Variants in ALDH1A1 observed in about 807,000 individuals in gnomAD.
ALDH1A1 encodes the protein aldehyde dehydrogenase 1 family member A1.
A neutral mutation model predicts 62.1 loss-of-function variants in ALDH1A1; 19 were observed. The ratio of observed to expected loss-of-function variants is 0.31; its 90% confidence interval spans 0.21 to 0.45. The LOEUF (loss-of-function observed/expected upper bound fraction) is 0.45. ALDH1A1 is among the 20% of genes least tolerant of loss of function. The pLI is 1.00. For synonymous variants in ALDH1A1, 231 were observed against 215.9 expected, an observed-to-expected ratio of 1.07 and a Z score of -0.61; for missense variants, 521 against 607.1, an observed-to-expected ratio of 0.86 and a Z score of 1.49.
intron 2 of ALDH1A1, among the ~76,000 whole-genome samples, chr9:72,933,567 A>T (rs1336990919): frequency 5.3e-5 from 7 of 131,950 alleles, no homozygotes; most frequent in African/African-American, 2.0e-4. Context: ...AGCCTGGGTG[A>T]TAGAGTAAGA....
chr9:72,919,112 A>C (rs1446443849), intron 7 of ALDH1A1, among the ~76,000 whole-genome samples: 1 of 152,198 alleles, frequency 6.6e-6, no homozygotes, highest in East Asian at 1.9e-4. Context: ...TCATCCAAGC[A>C]TACAGACATA....
intron 7 of ALDH1A1, among the ~76,000 whole-genome samples, chr9:72,920,007 C>T (rs1182969264): frequency 6.6e-6 from 1 of 152,102 alleles, no homozygotes; most frequent in Non-Finnish European, 1.5e-5. Context: ...CTTAATCCAC[C>T]AACATGTTCT....
chr9:72,928,467 C>A (rs1830238903), intron 4 of ALDH1A1, among the ~76,000 whole-genome samples: 1 of 152,090 alleles, frequency 6.6e-6, no homozygotes, highest in Admixed American at 6.6e-5. Flanking sequence ...CACAGATGAC[C>A]ATAACTGACT....
chr9:72,928,786 C>G (rs563716431), intron 4 of ALDH1A1, 106 bp downstream of exon 4: 2 of 1,256,208 alleles, frequency 1.6e-6, no homozygotes, highest in South Asian at 5.1e-5. Context: ...AATAATTTTG[C>G]CTTATTTGGT....
At chr9:72,911,920 T>G (rs755899140) in intron 10 of ALDH1A1, 38 bp downstream of exon 10, 3 of 1,610,902 alleles carry the variant, frequency 1.9e-6, no homozygotes, top group Non-Finnish European at 1.7e-6. Context: ...AGACAAAACA[T>G]GGCAACAAAA....
chr9:72,949,975 T>C (rs975813503), intron 1 of ALDH1A1, among the ~76,000 whole-genome samples: 1 of 151,830 alleles, frequency 6.6e-6, no homozygotes, highest in Non-Finnish European at 1.5e-5. Context: ...TTCACTCTGA[T>C]GCAATCTTTG....
chr9:72,900,929 G>GA lies in ALDH1A1; in HGVS notation c.*278dup, dbSNP rs1162478009. ...TTATCCTGCAAAAGTAGCTACAAAG[G>GA]AAAATCACATAACTATGACAAAGCT... On this transcript the variant is annotated 3_prime_UTR_variant, in exon 13 of 13. Transcript: ENST00000297785. 1 of 249,244 alleles carries GA rather than the reference G, an allele frequency of 4.0e-6. No homozygotes were observed. The highest frequency in any genetic ancestry group is 7.7e-6 in the Non-Finnish European group (1 of 129,852). The allele number at this position is 249,244 out of a possible 1,614,324, so 15.4% of individuals were successfully genotyped here.
intron 12 of ALDH1A1, among the ~76,000 whole-genome samples, chr9:72,904,161 G>A (rs542701687): frequency 8.5e-5 from 13 of 152,184 alleles, no homozygotes; most frequent in African/African-American, 3.1e-4. Flanking sequence ...GAACTGGGGT[G>A]CATGGCTAGC....
intron 2 of ALDH1A1, among the ~76,000 whole-genome samples, chr9:72,934,662 A>G (rs192281481): frequency 2.1e-3 from 317 of 152,300 alleles, no homozygotes; most frequent in African/African-American, 7.2e-3. Context: ...TCAAATATCA[A>G]TCTACCTAAA....
intron 5 of ALDH1A1, among the ~76,000 whole-genome samples, chr9:72,925,860 C>A (rs550611373): frequency 6.6e-6 from 1 of 151,914 alleles, no homozygotes; most frequent in African/African-American, 2.4e-5. Flanking sequence ...CTGTTGAGTT[C>A]TTTTTCTACC....
chr9:72,939,661 G>A (rs1044680252), intron 2 of ALDH1A1, among the ~76,000 whole-genome samples: 1 of 151,804 alleles, frequency 6.6e-6, no homozygotes, highest in Non-Finnish European at 1.5e-5. Context: ...GGGATTAGAG[G>A]CATGTGCCAC....
chr9:72,935,557 G>A (rs1308273048), intron 2 of ALDH1A1, among the ~76,000 whole-genome samples: 2 of 152,110 alleles, frequency 1.3e-5, no homozygotes, highest in South Asian at 2.1e-4. Context: ...TTACTTTAAC[G>A]GACATTTACT....
intron 8 of ALDH1A1, among the ~76,000 whole-genome samples, chr9:72,917,499 C>A (rs946564558): frequency 6.6e-6 from 1 of 151,944 alleles, no homozygotes; most frequent in Non-Finnish European, 1.5e-5. Context: ...ACATGTCTAT[C>A]GAATTAAATA....
intron 7 of ALDH1A1, among the ~76,000 whole-genome samples, chr9:72,922,693 G>A (rs1405048969): frequency 6.6e-6 from 1 of 152,188 alleles, no homozygotes; most frequent in Non-Finnish European, 1.5e-5. Flanking sequence ...TCCCTATTGG[G>A]GAGGGTCTAG....
chr9:72,905,466 G>A (rs1829866709), intron 12 of ALDH1A1, among the ~76,000 whole-genome samples: 2 of 152,034 alleles, frequency 1.3e-5, no homozygotes, highest in Non-Finnish European at 2.9e-5. Flanking sequence ...AATAAAAAAT[G>A]TTAAAGTCTA....
At chr9:72,902,786 A>T (rs1484735587) in intron 12 of ALDH1A1, among the ~76,000 whole-genome samples, 1 of 151,944 alleles carries the variant, frequency 6.6e-6, no homozygotes, top group Non-Finnish European at 1.5e-5. Context: ...ATTTCTCTTC[A>T]TCTTACTATG....
chr9:72,949,764 A>G lies in ALDH1A1; in HGVS notation c.66+3171T>C, dbSNP rs567569585. Reference sequence around the variant, plus strand: ...CATGGTTTAATAAGTGAAGCTTACTAATTAAGTTAAACATTTTGGCGTTTG... The same window carrying G: ...CATGGTTTAATAAGTGAAGCTTACTGATTAAGTTAAACATTTTGGCGTTTG... On this transcript the variant is annotated intron_variant, in intron 1 of 12. Coordinates refer to ENST00000297785, the MANE Select transcript of ALDH1A1 (RefSeq NM_000689.5). 3.3e-5 allele frequency among the ~76,000 whole-genome samples: 5 copies of G among 151,626 alleles called. No individual in the cohort carries two copies. The South Asian group carries it at 1.0e-3, about 31-fold the overall frequency.
chr9:72,949,595 C>T (rs1253220953), intron 1 of ALDH1A1, among the ~76,000 whole-genome samples: 2 of 151,476 alleles, frequency 1.3e-5, no homozygotes, highest in African/African-American at 4.9e-5. Flanking sequence ...TTGTCAAGAA[C>T]TTAAACAGTC....
At chr9:72,912,845 T>C (rs978416648) in intron 9 of ALDH1A1, among the ~76,000 whole-genome samples, 1 of 152,124 alleles carries the variant, frequency 6.6e-6, no homozygotes, top group Non-Finnish European at 1.5e-5. Flanking sequence ...AATAAATGAG[T>C]TTGGAGTTCT....
Sources: allele counts gnomAD v4.1 joint callset (sites outside exome capture counted in the v4.1 genomes callset), GRCh38; gene constraint gnomAD v4.1.1; transcripts MANE v1.5; gene names NCBI Gene and HGNC (gene_info 2026-07-23, HGNC 2026-07-21).